The following ZNF722 variants were observed in gnomAD, a reference collection of about 807,000 sequenced individuals.
The protein encoded by ZNF722 is zinc finger protein 722.
chr7:64,015,856 G>T, the ZNF722 span: 1 of 1,591,748 alleles, frequency 6.3e-7, no homozygotes, highest in Non-Finnish European at 8.6e-7. Context: ...GCTTTTAAGA[G>T]GCATTCAAGT....
chr7:64,009,807 A>G, the ZNF722 span, among the ~76,000 whole-genome samples: 1 of 152,210 alleles, frequency 6.6e-6, no homozygotes. Flanking sequence ...GAATAGTTTA[A>G]GAAGTAATGG....
chr7:64,015,939 T>C, the ZNF722 span: 1 of 1,348,988 alleles, frequency 7.4e-7, no homozygotes, highest in Non-Finnish European at 1.0e-6. Context: ...ATTCTAGCCC[T>C]CAGGCCTTAT....
chr7:64,012,332 A>T, the ZNF722 span, among the ~76,000 whole-genome samples: 1 of 152,130 alleles, frequency 6.6e-6, no homozygotes, highest in Admixed American at 6.6e-5. Flanking sequence ...AGAGGCTGTG[A>T]TCCTTTGGAG....
the ZNF722 span, among the ~76,000 whole-genome samples, chr7:64,009,746 G>A: frequency 1.4e-3 from 209 of 152,314 alleles, no homozygotes; most frequent in African/African-American, 4.7e-3. Context: ...TCAGGATGAT[G>A]TTGGCCTCAT....
the ZNF722 span, chr7:64,016,002 G>A: frequency 1.1e-6 from 1 of 902,356 alleles, no homozygotes; most frequent in Non-Finnish European, 1.6e-6. Context: ...TAGAGAATAT[G>A]GACAAACCTT....
At chr7:64,007,093 G>C in the ZNF722 span, among the ~76,000 whole-genome samples, 3 of 151,176 alleles carry the variant, frequency 2.0e-5, no homozygotes, top group Non-Finnish European at 4.4e-5. Flanking sequence ...TGGTGTTTTT[G>C]AAAAAATGTA....
At chr7:64,013,523 A>G in the ZNF722 span, among the ~76,000 whole-genome samples, 26 of 152,094 alleles carry the variant, frequency 1.7e-4, no homozygotes, top group African/African-American at 6.0e-4. Flanking sequence ...ACTGGTAAAA[A>G]AAAAATGACT....
At chr7:64,009,016 G>A in the ZNF722 span, among the ~76,000 whole-genome samples, 46 of 152,292 alleles carry the variant, frequency 3.0e-4, no homozygotes, top group Non-Finnish European at 5.9e-4. Flanking sequence ...ATTGTGAATG[G>A]AAGTTCACTC....
chr7:64,002,881 T>C, the ZNF722 span, among the ~76,000 whole-genome samples: 2 of 152,268 alleles, frequency 1.3e-5, no homozygotes, highest in Non-Finnish European at 2.9e-5. Context: ...GTACCAGATG[T>C]ATTTGTTTTG....
the ZNF722 span, among the ~76,000 whole-genome samples, chr7:64,012,147 C>T: frequency 2.0e-5 from 3 of 152,142 alleles, no homozygotes; most frequent in South Asian, 2.1e-4. Context: ...CTTCTCTACA[C>T]TGTTTATTCT....
the ZNF722 span, among the ~76,000 whole-genome samples, chr7:64,009,625 G>T: frequency 0.018 from 2,774 of 152,250 alleles, 167 homozygotes; most frequent in East Asian, 0.18. Context: ...TTTTTGATGT[G>T]CTGCTGGATT....
At chr7:64,009,702 T>C in the ZNF722 span, among the ~76,000 whole-genome samples, 68 of 152,326 alleles carry the variant, frequency 4.5e-4, no homozygotes, top group African/African-American at 1.6e-3. Context: ...TCTAAAATTC[T>C]CTTTTTTTGT....
the ZNF722 span, among the ~76,000 whole-genome samples, chr7:64,010,601 T>A: frequency 1.3e-5 from 2 of 152,230 alleles, no homozygotes; most frequent in African/African-American, 4.8e-5. Context: ...CAATGTGGTC[T>A]GAGAGACAGT....
chr7:63,999,612 G>T, the ZNF722 span, among the ~76,000 whole-genome samples: 5 of 152,242 alleles, frequency 3.3e-5, no homozygotes, highest in South Asian at 4.1e-4. Context: ...AAAATGCCTT[G>T]GTTATGTCAT....
the ZNF722 span, chr7:64,006,298 G>T: frequency 2.7e-5 from 35 of 1,304,196 alleles, no homozygotes; most frequent in Non-Finnish European, 3.1e-5. Flanking sequence ...AAAGAGAAAT[G>T]AGATGGTAGC....
At chr7:64,016,021 T>G in the ZNF722 span, 1 of 798,224 alleles carries the variant, frequency 1.3e-6, no homozygotes, top group Non-Finnish European at 1.9e-6. Context: ...TTTAACAAGT[T>G]CCAAACCTTA....
At chr7:64,015,581 A>C in the ZNF722 span, 1 of 1,613,770 alleles carries the variant, frequency 6.2e-7, no homozygotes, top group Non-Finnish European at 8.5e-7. Context: ...ACACATGTGA[A>C]GAATGTGGCC....
At chr7:64,005,729 G>A in the ZNF722 span, 4 of 1,572,238 alleles carry the variant, frequency 2.5e-6, no homozygotes, top group South Asian at 4.6e-5. Flanking sequence ...CAGAAACCTG[G>A]TCTCCCTGGG....
the ZNF722 span, among the ~76,000 whole-genome samples, chr7:64,013,902 T>C: frequency 6.6e-6 from 1 of 152,060 alleles, no homozygotes; most frequent in Non-Finnish European, 1.5e-5. Context: ...TTTTTGCTGA[T>C]TACATTATTC....
Sources: gnomAD v4.1 joint callset for allele counts (sites outside exome capture counted in the v4.1 genomes callset) on GRCh38, gnomAD v4.1.1 for gene constraint, MANE v1.5 for transcripts, NCBI Gene and HGNC (gene_info 2026-07-23, HGNC 2026-07-21) for gene names.